The following STS variants were observed in gnomAD, a reference collection of about 807,000 sequenced individuals.
STS encodes the protein steroid sulfatase, also known as steryl-sulfatase.
STS carries 7 observed loss-of-function variants against 26.8 expected under a neutral mutation model. The ratio of observed to expected loss-of-function variants is 0.26; its 90% CI spans 0.15 to 0.49. The LOEUF (loss-of-function observed/expected upper bound fraction) is 0.49. Ranked by LOEUF, STS falls within the 20% of genes least tolerant of loss-of-function variation. The probability of loss-of-function intolerance (pLI) is 0.98; values close to 1 mark genes in which losing one functional copy is unlikely to be tolerated. For synonymous variants in STS, 199 were observed against 189.4 expected (o/e 1.05, Z -0.42); for missense variants, 434 against 465.6 (o/e 0.93, Z 0.63).
intron 10 of STS, among the ~76,000 whole-genome samples, chrX:7,349,315 C>CTTTTTTTTTTT: frequency 4.9e-5 from 1 of 20,285 alleles, no homozygotes; most frequent in Non-Finnish European, 9.1e-5. Flanking sequence ...TCATTTAATT[C>CTTTTTTTTTTT]CTTTTTTTTT....
intron 1 of STS, among the ~76,000 whole-genome samples, chrX:7,170,582 T>C (rs189013797): frequency 9.0e-6 from 1 of 110,548 alleles, no homozygotes; most frequent in Non-Finnish European, 1.9e-5. Flanking sequence ...AGATTTCAGA[T>C]GTGCCCCACC....
At chrX:7,308,463 A>G (rs1206642353) in intron 8 of STS, among the ~76,000 whole-genome samples, 4 of 111,706 alleles carry the variant, frequency 3.6e-5, no homozygotes, top group African/African-American at 1.3e-4. Flanking sequence ...AAGGAGCTGC[A>G]TCACGTTTTG....
At chrX:7,206,063 T>C (rs1293998418) in intron 2 of STS, among the ~76,000 whole-genome samples, 1 of 111,979 alleles carries the variant, frequency 8.9e-6, no homozygotes, top group Non-Finnish European at 1.9e-5. Context: ...GTCCTCTGTA[T>C]CCTAAGGTTC....
In STS at chrX:7,275,942, T is replaced by A. The variant is rs750076708; in HGVS notation, c.807-9T>A. 12 of 1,154,196 alleles carry A rather than the reference T, an allele frequency of 1.0e-5. No homozygotes were observed. The highest frequency in any genetic ancestry group is 1.9e-5 in the South Asian group (1 of 51,769). ...TTTTTTTCCTCCCTTTTTTTTTTTT[T>A]TTTTGCAGGAACACTGAGACTCCGT... On this transcript the variant is annotated splice_polypyrimidine_tract_variant and intron_variant, in intron 6 of 10. Coordinates refer to ENST00000674429, the MANE Select transcript of STS (RefSeq NM_001320752.2).
intron 8 of STS, among the ~76,000 whole-genome samples, chrX:7,312,778 TC>T (rs1432804302): frequency 8.9e-6 from 1 of 111,905 alleles, no homozygotes; most frequent in Non-Finnish European, 1.9e-5. Flanking sequence ...TAAAACTTGT[TC>T]TTTATAAATT....
At chrX:7,246,816 A>G (rs1922905649) in intron 2 of STS, among the ~76,000 whole-genome samples, 1 of 112,870 alleles carries the variant, frequency 8.9e-6, no homozygotes, top group Admixed American at 9.3e-5. Flanking sequence ...CTGCAAAATA[A>G]TAATTTTATG....
chrX:7,233,083 C>CT (rs1290539719), intron 2 of STS, among the ~76,000 whole-genome samples: 6 of 83,871 alleles, frequency 7.2e-5, no homozygotes, highest in African/African-American at 2.4e-4. Context: ...TCAGATATTT[C>CT]TTTTTTTCTT....
chrX:7,325,153 C>A (rs776352950), intron 8 of STS, among the ~76,000 whole-genome samples, 186 bp from the exon 9 acceptor site: 12 of 111,742 alleles, frequency 1.1e-4, no homozygotes, highest in Non-Finnish European at 2.3e-4. Context: ...ATGGTGGTGA[C>A]TGTATCATAT....
intron 1 of STS, among the ~76,000 whole-genome samples, chrX:7,157,945 C>T (rs1933167934): frequency 8.9e-6 from 1 of 111,923 alleles, no homozygotes; most frequent in Non-Finnish European, 1.9e-5. Context: ...AGGAATTTTC[C>T]ATGTAGATAA....
intron 6 of STS, among the ~76,000 whole-genome samples, chrX:7,268,200 GATAA>G (rs1206933551): frequency 1.8e-5 from 2 of 112,088 alleles, no homozygotes; most frequent in Non-Finnish European, 3.8e-5. Context: ...GTACTTTTAT[GATAA>G]ATAAATACTC....
intron 2 of STS, among the ~76,000 whole-genome samples, chrX:7,215,849 T>C (rs1308041944): frequency 8.9e-6 from 1 of 111,836 alleles, no homozygotes; most frequent in African/African-American, 3.3e-5. Flanking sequence ...GTCTTCCTCC[T>C]CTTCCTGTCC....
chrX:7,161,262 C>T (rs769514815), intron 1 of STS, among the ~76,000 whole-genome samples: 3 of 111,509 alleles, frequency 2.7e-5, no homozygotes, highest in East Asian at 2.8e-4. Flanking sequence ...CCACTGCATC[C>T]GGCTGAAGCC....
chrX:7,345,495 G>C (rs1281972847), intron 10 of STS, among the ~76,000 whole-genome samples: 1 of 111,481 alleles, frequency 9.0e-6, no homozygotes. Context: ...AATCATGGAG[G>C]TTTGGGGAGT....
intron 2 of STS, among the ~76,000 whole-genome samples, chrX:7,242,278 A>G (rs1435203880): frequency 9.0e-6 from 1 of 110,768 alleles, no homozygotes; most frequent in Non-Finnish European, 1.9e-5. Flanking sequence ...ACATTTTATT[A>G]TTATTAATAG....
chrX:7,275,456 T>C (rs1924483034), intron 6 of STS, among the ~76,000 whole-genome samples: 1 of 111,577 alleles, frequency 9.0e-6, no homozygotes, highest in African/African-American at 3.3e-5. Flanking sequence ...ATATACAAAA[T>C]TTGTATATAT....
chrX:7,228,669 T>TA lies in STS; in HGVS notation c.-4-24526dup, dbSNP rs561075514. Among the ~76,000 whole-genome samples, 32 of 112,385 alleles carry TA rather than the reference T, an allele frequency of 2.8e-4. 2 individuals are homozygous for TA. The South Asian group carries it at 0.012, about 41-fold the overall frequency. ...TTTGGAAATACTTTCTCCCCTTCCA[T>TA]AGGTTGCCTTTTCACTCCATTATTT... On this transcript the variant is annotated intron_variant, in intron 2 of 10. Transcript: ENST00000674429.
intron 1 of STS, among the ~76,000 whole-genome samples, chrX:7,158,870 G>A (rs1390593476): frequency 8.9e-6 from 1 of 112,162 alleles, no homozygotes; most frequent in Non-Finnish European, 1.9e-5. Context: ...TCTGCAATGA[G>A]TAAGTTTTAC....
chrX:7,324,708 C>G (rs1927299815), intron 8 of STS, among the ~76,000 whole-genome samples: 2 of 111,336 alleles, frequency 1.8e-5, no homozygotes, highest in African/African-American at 6.5e-5. Flanking sequence ...CCCCTGTTTC[C>G]ATCATGGACT....
chrX:7,211,246 G>C (rs1161708439), intron 2 of STS, among the ~76,000 whole-genome samples: 5 of 111,724 alleles, frequency 4.5e-5, no homozygotes, highest in Non-Finnish European at 5.6e-5. Context: ...TTCTCTTTGG[G>C]CTCAGGAGTC....
Sources: gnomAD v4.1 joint callset for allele counts (sites outside exome capture counted in the v4.1 genomes callset) on GRCh38, gnomAD v4.1.1 for gene constraint, MANE v1.5 for transcripts, NCBI Gene and HGNC (gene_info 2026-07-23, HGNC 2026-07-21) for gene names.